Variants in PTK2B observed in about 807,000 individuals in gnomAD.
PTK2B encodes protein tyrosine kinase 2 beta.
Under a neutral mutation model 142.9 loss-of-function variants are expected in PTK2B, and 71 were observed. That is an observed-to-expected ratio of 0.50 (90% CI 0.41 to 0.61). The LOEUF (loss-of-function observed/expected upper bound fraction) is 0.61, where lower values mean the gene tolerates loss of function less well. Ranked by LOEUF, PTK2B falls within the 20% of genes least tolerant of loss-of-function variation. The pLI is 0.00. For synonymous variants in PTK2B, 519 were observed against 503.4 expected, an observed-to-expected ratio of 1.03 and a Z score of -0.42; for missense variants, 1,105 against 1,320.4, an observed-to-expected ratio of 0.84 and a Z score of 2.53.
upstream of PTK2B, chr8:27,310,764 C>G: frequency 6.5e-7 from 1 of 1,538,408 alleles, no homozygotes; most frequent in Middle Eastern, 2.0e-4. Flanking sequence ...GGGTTCCAGA[C>G]CCGGCTCGGC....
intron 2 of PTK2B, among the ~76,000 whole-genome samples, chr8:27,409,958 G>T (rs1301758056): frequency 6.6e-6 from 1 of 152,134 alleles, no homozygotes; most frequent in Non-Finnish European, 1.5e-5. Flanking sequence ...CTGACCTCAG[G>T]TGATCCTCCT....
chr8:27,375,418 C>G (rs143576147), intron 1 of PTK2B, among the ~76,000 whole-genome samples: 1 of 152,168 alleles, frequency 6.6e-6, no homozygotes, highest in Non-Finnish European at 1.5e-5. Flanking sequence ...CTGGTATCAC[C>G]CTTCCCAGTG....
rs777632066 is a variant in PTK2B, at chr8:27,433,382, G to A, written c.988-53G>A. Reference sequence around the variant, plus strand: ...CCATCTCTTCTCCAGCCCTGGGGGTGGTCTCTAGCCAAGGCTCTGGGGTCT... The same window carrying A: ...CCATCTCTTCTCCAGCCCTGGGGGTAGTCTCTAGCCAAGGCTCTGGGGTCT... On this transcript the variant is annotated intron_variant, in intron 10 of 30. Coordinates refer to ENST00000346049, the MANE Select transcript of PTK2B (RefSeq NM_173176.3). The A allele has an allele frequency of 1.1e-5, 16 of 1,476,430 alleles. No homozygotes were observed. In the East Asian group the frequency reaches 2.7e-4, roughly 25 times the overall value. 91.5% of individuals were successfully genotyped at this position (1,476,430 alleles called of 1,614,324 possible). A position where few individuals can be genotyped will look rare whatever the true frequency, so the allele number is the denominator to read the frequency against.
chr8:27,327,735 A>C (rs556054458), intron 1 of PTK2B, among the ~76,000 whole-genome samples: 130 of 152,330 alleles, frequency 8.5e-4, no homozygotes, highest in African/African-American at 2.9e-3. Flanking sequence ...AGAAAAAACG[A>C]CATTAAATCC....
chr8:27,319,785 AT>A (rs1563454787), intron 3 of PTK2B, among the ~76,000 whole-genome samples: 1 of 152,208 alleles, frequency 6.6e-6, no homozygotes, highest in East Asian at 1.9e-4. Flanking sequence ...CATTTTATAC[AT>A]GAGAAAATTG....
Position 27,397,758 on chromosome 8 carries a change from G to C in PTK2B, c.174G>C (p.Leu58=). The C allele has an allele frequency of 6.2e-7, 1 of 1,614,228 alleles. No individual in the cohort carries two copies. The change falls in exon 2 of 31, where the codon CTG becomes CTC. Residue 58 remains leucine, a synonymous_variant. Coordinates refer to ENST00000346049, the MANE Select transcript of PTK2B (RefSeq NM_173176.3). ...TCAATCCTGGGAAAAACTTCAAACT[G>C]GTCAAATGCACTGTCCAGACGGAGA... ...NSFNPGKNFK[L]VKCTVQTEIR...
intron 1 of PTK2B, among the ~76,000 whole-genome samples, chr8:27,353,166 T>G (rs1805196722): frequency 6.6e-6 from 1 of 152,290 alleles, no homozygotes; most frequent in African/African-American, 2.4e-5. Context: ...TCCAAAAATA[T>G]TTAGCGTCCA....
chr8:27,423,982 A>G (rs140499005), intron 5 of PTK2B, among the ~76,000 whole-genome samples: 137 of 152,318 alleles, frequency 9.0e-4, no homozygotes, highest in Middle Eastern at 3.4e-3. Flanking sequence ...ATGATAGCTC[A>G]GTGCTGGCAG....
At chr8:27,345,995 CA>C (rs564959112) in intron 1 of PTK2B, among the ~76,000 whole-genome samples, 7 of 152,046 alleles carry the variant, frequency 4.6e-5, no homozygotes, top group Non-Finnish European at 1.0e-4. Context: ...CCTTGCTCCC[CA>C]AAAAAAGATT....
At chr8:27,396,961 C>T (rs971276432) in intron 1 of PTK2B, among the ~76,000 whole-genome samples, 8 of 152,328 alleles carry the variant, frequency 5.3e-5, no homozygotes, top group African/African-American at 1.4e-4. Flanking sequence ...TCCTGTCAGA[C>T]GGAAGCCTCC....
rs533224451 is a variant in PTK2B, at chr8:27,431,867, C to T, written c.886-393C>T. Among the ~76,000 whole-genome samples the T allele has an allele frequency of 3.9e-5, 6 of 152,316 alleles. No individual in the cohort carries two copies. In the East Asian group the frequency reaches 9.6e-4, roughly 24 times the overall value. ...TGAGCAAGTCCTGGCTTTCTCTAGA[C>T]CTCATTTTCTCCTTGGCATAGGGAG... On this transcript the variant is annotated intron_variant, in intron 9 of 30. Transcript: ENST00000346049.
At chr8:27,351,564 A>G (rs1805092123) in intron 1 of PTK2B, among the ~76,000 whole-genome samples, 1 of 152,140 alleles carries the variant, frequency 6.6e-6, no homozygotes, top group African/African-American at 2.4e-5. Flanking sequence ...TGAGGCTAGA[A>G]CTGAGTTTCC....
intron 1 of PTK2B, among the ~76,000 whole-genome samples, chr8:27,384,021 T>C (rs1315062294): frequency 6.6e-6 from 1 of 151,382 alleles, no homozygotes; most frequent in Non-Finnish European, 1.5e-5. Flanking sequence ...GCTAATTTTT[T>C]GTATTTTTAG....
intron 13 of PTK2B, 136 bp downstream of exon 13, chr8:27,434,695 A>G: frequency 9.7e-7 from 1 of 1,033,564 alleles, no homozygotes; most frequent in South Asian, 1.6e-5. Flanking sequence ...CTTCTCAGTG[A>G]TGGCTTTAAA....
At chr8:27,336,601 A>G (rs753738389) in intron 1 of PTK2B, among the ~76,000 whole-genome samples, 5 of 152,384 alleles carry the variant, frequency 3.3e-5, no homozygotes, top group Admixed American at 6.5e-5. Context: ...AGATTATTTT[A>G]GCGATACATT....
At chr8:27,384,905 C>G (rs1807248875) in intron 1 of PTK2B, among the ~76,000 whole-genome samples, 2 of 152,118 alleles carry the variant, frequency 1.3e-5, no homozygotes, top group African/African-American at 4.8e-5. Flanking sequence ...AACCCAGAGC[C>G]CCAGAGGACC....
rs189327082 is a variant in PTK2B at position 27,319,385 on chromosome 8, G to A, written c.-413-3017G>A. On this transcript the variant is annotated intron_variant, in intron 3 of 35. Transcript: ENST00000397501. ...GGGTGGGGCATGGTGGCTCATGCCTGTAATCCCAGCACTTTGGGAGGCCAA... is the reference window on the plus strand; with the variant it reads ...GGGTGGGGCATGGTGGCTCATGCCTATAATCCCAGCACTTTGGGAGGCCAA... Among the ~76,000 whole-genome samples, 687 of 149,410 alleles carry A rather than the reference G, an allele frequency of 4.6e-3. 8 individuals are homozygous for A. The highest frequency in any genetic ancestry group is 4.4e-3 in the Non-Finnish European group (298 of 67,648).
At chr8:27,421,797 A>T (rs893087668) in intron 4 of PTK2B, among the ~76,000 whole-genome samples, 1 of 152,212 alleles carries the variant, frequency 6.6e-6, no homozygotes, top group Non-Finnish European at 1.5e-5. Flanking sequence ...TCCTGGACAG[A>T]ATGCGTATGG....
At chr8:27,319,578 A>T (rs1042279908) in intron 3 of PTK2B, among the ~76,000 whole-genome samples, 3 of 140,282 alleles carry the variant, frequency 2.1e-5, no homozygotes, top group Non-Finnish European at 4.6e-5. Context: ...TGGGAGGTAG[A>T]GCTTGCAGTA....
Sources: gnomAD v4.1 joint callset for allele counts (sites outside exome capture counted in the v4.1 genomes callset) on GRCh38, gnomAD v4.1.1 for gene constraint, MANE v1.5 for transcripts, NCBI Gene and HGNC (gene_info 2026-07-23, HGNC 2026-07-21) for gene names.